The following THSD7A variants were observed in gnomAD, a reference collection of about 807,000 sequenced individuals.
THSD7A encodes the protein thrombospondin type 1 domain containing 7A, also known as thrombospondin type-1 domain-containing protein 7A.
THSD7A carries 96 observed loss-of-function variants against 231.3 expected under a neutral mutation model. The observed-to-expected ratio is 0.41, with a 90% CI of 0.35 to 0.49. The LOEUF is 0.49. Ranked by LOEUF, THSD7A falls within the 20% of genes least tolerant of loss-of-function variation. The pLI, the probability that THSD7A is intolerant of heterozygous loss-of-function variation, is 0.05. For synonymous variants in THSD7A, 940 were observed against 743.3 expected (o/e 1.26, Z -4.30); for missense variants, 2,290 against 2,070.2 (o/e 1.11, Z -2.06).
chr7:11,668,887 G>A (rs1359328316), intron 1 of THSD7A, among the ~76,000 whole-genome samples: 1 of 151,886 alleles, frequency 6.6e-6, no homozygotes, highest in Admixed American at 6.5e-5. Flanking sequence ...TAGATATGTA[G>A]TCTTTCCACA....
intron 24 of THSD7A, 193 bp from the exon 25 acceptor site, chr7:11,379,905 G>T (rs1782443066): frequency 3.3e-6 from 2 of 604,176 alleles, no homozygotes; most frequent in South Asian, 2.0e-5. Flanking sequence ...TTTTACCCAG[G>T]GGAGCTAGCT....
In THSD7A at chr7:11,603,375, C is replaced by A. The variant is rs367698820; in HGVS notation, c.1023-9873G>T. Among the ~76,000 whole-genome samples the A allele has an allele frequency of 0.011, 1,637 of 151,832 alleles. 137 individuals carry two copies. In the East Asian group the frequency reaches 0.23, roughly 21 times the overall value. On this transcript the variant is annotated intron_variant, in intron 2 of 27. Transcript: ENST00000423059. ...ATGGCAATCATTAAAAAGTCAGGAA[C>A]CAACAGGTGCTGGAGAGGATGTAGA...
intron 1 of THSD7A, among the ~76,000 whole-genome samples, chr7:11,805,410 C>T (rs2355098): frequency 0.85 from 128,802 of 151,930 alleles, 55,001 homozygotes; most frequent in African/African-American, 0.95. Context: ...ATGTAATGTT[C>T]TCAGACAAAA....
intron 1 of THSD7A, among the ~76,000 whole-genome samples, chr7:11,667,872 G>A (rs1783206289): frequency 6.6e-6 from 1 of 152,054 alleles, no homozygotes. Context: ...AAGTTCTCAA[G>A]CCATGAAAGC....
chr7:11,385,373 C>G (rs1012296158), intron 23 of THSD7A: 2 of 152,000 alleles, frequency 1.3e-5, no homozygotes, highest in Non-Finnish European at 2.9e-5. Flanking sequence ...ATTCCAAGAG[C>G]CTGCCTCTAA....
chr7:11,615,753 C>T (rs1370330870), intron 2 of THSD7A, among the ~76,000 whole-genome samples: 2 of 152,148 alleles, frequency 1.3e-5, no homozygotes, highest in Non-Finnish European at 2.9e-5. Flanking sequence ...TCAATGTCAT[C>T]TGTCTGAAAT....
At chr7:11,548,477 A>C (rs1255961048) in intron 4 of THSD7A, among the ~76,000 whole-genome samples, 2 of 152,108 alleles carry the variant, frequency 1.3e-5, no homozygotes, top group Non-Finnish European at 2.9e-5. Context: ...ATTCCAAAAA[A>C]TTAAGAAAGA....
At chr7:11,613,888 G>A (rs1781019079) in intron 2 of THSD7A, among the ~76,000 whole-genome samples, 1 of 152,098 alleles carries the variant, frequency 6.6e-6, no homozygotes, top group Admixed American at 6.6e-5. Context: ...CCTTATTCAA[G>A]GCCTTTTCTC....
intron 1 of THSD7A, among the ~76,000 whole-genome samples, chr7:11,720,692 G>A (rs1343891085): frequency 6.6e-6 from 1 of 151,648 alleles, no homozygotes; most frequent in Non-Finnish European, 1.5e-5. Flanking sequence ...TCCTGAAACT[G>A]CTTGCACCAT....
chr7:11,536,150 T>A (rs541955142), intron 6 of THSD7A, among the ~76,000 whole-genome samples: 28 of 152,320 alleles, frequency 1.8e-4, no homozygotes, highest in Middle Eastern at 6.8e-3. Context: ...AAAATTCAAA[T>A]AGAATTATTT....
intron 17 of THSD7A, among the ~76,000 whole-genome samples, chr7:11,414,595 A>C (rs1783897102): frequency 6.6e-6 from 1 of 152,148 alleles, no homozygotes; most frequent in Non-Finnish European, 1.5e-5. Flanking sequence ...CTCCTTTCTA[A>C]ATTTATGAAC....
chr7:11,518,414 T>C (rs987068780), intron 6 of THSD7A, among the ~76,000 whole-genome samples: 8 of 152,168 alleles, frequency 5.3e-5, no homozygotes, highest in Non-Finnish European at 1.2e-4. Context: ...GAGTGTACTC[T>C]AAGTTTGTAG....
At chr7:11,708,644 C>G (rs1780847435) in intron 1 of THSD7A, among the ~76,000 whole-genome samples, 1 of 150,720 alleles carries the variant, frequency 6.6e-6, no homozygotes, top group Admixed American at 6.6e-5. Context: ...ATTGCTATGA[C>G]ATTATTTTCT....
intron 23 of THSD7A, among the ~76,000 whole-genome samples, chr7:11,388,101 G>T (rs920490871): frequency 2.0e-5 from 3 of 152,060 alleles, no homozygotes; most frequent in East Asian, 3.9e-4. Flanking sequence ...GATTCAGTTT[G>T]CCAGTATTTT....
At chr7:11,658,301 C>G (rs1782785664) in intron 1 of THSD7A, among the ~76,000 whole-genome samples, 1 of 151,654 alleles carries the variant, frequency 6.6e-6, no homozygotes, top group African/African-American at 2.4e-5. Context: ...GGTTTATTTT[C>G]TTTTTCCAGA....
At chr7:11,661,308 A>G (rs78368788) in intron 1 of THSD7A, among the ~76,000 whole-genome samples, 25,276 of 151,216 alleles carry the variant, frequency 0.17, 2,189 homozygotes, top group Non-Finnish European at 0.2. Context: ...ATTATACACA[A>G]CTCACTTTTA....
At chr7:11,435,101 G>A (rs1784591243) in intron 13 of THSD7A, among the ~76,000 whole-genome samples, 1 of 151,228 alleles carries the variant, frequency 6.6e-6, no homozygotes, top group South Asian at 2.1e-4. Context: ...TTCAATATCA[G>A]TATGAATGGC....
intron 9 of THSD7A, among the ~76,000 whole-genome samples, chr7:11,463,596 G>A (rs984678331): frequency 3.3e-5 from 5 of 152,208 alleles, no homozygotes; most frequent in East Asian, 1.9e-4. Context: ...GTGGGGTGTC[G>A]TCTGTACTAT....
chr7:11,723,671 TAGG>T (rs1781440412), intron 1 of THSD7A, among the ~76,000 whole-genome samples: 1 of 151,818 alleles, frequency 6.6e-6, no homozygotes. Context: ...TGAATATATT[TAGG>T]AGATCAGGAG....
Sources: allele counts gnomAD v4.1 joint callset (sites outside exome capture counted in the v4.1 genomes callset), GRCh38; gene constraint gnomAD v4.1.1; transcripts MANE v1.5; gene names NCBI Gene and HGNC (gene_info 2026-07-23, HGNC 2026-07-21).